Variants in SINHCAF observed in about 807,000 individuals in gnomAD.
The protein encoded by SINHCAF is SIN3-HDAC complex associated factor, also known as SIN3-HDAC complex-associated factor.
Under a neutral mutation model 25.8 loss-of-function variants are expected in SINHCAF, and 3 were observed. The observed-to-expected ratio is 0.12, with a 90% CI of 0.05 to 0.30. The LOEUF is 0.30. Ranked by LOEUF, SINHCAF falls within the 10% of genes least tolerant of loss-of-function variation. The probability of loss-of-function intolerance (pLI) is 1.00; values close to 1 mark genes in which losing one functional copy is unlikely to be tolerated. For missense variants in SINHCAF, 121 were observed against 262.3 expected (o/e 0.46, Z 3.72); for synonymous variants, 70 against 85.5 (o/e 0.82, Z 1.00).
At chr12:31,290,128 A>C (rs937549021) in intron 4 of SINHCAF, among the ~76,000 whole-genome samples, 3 of 150,940 alleles carry the variant, frequency 2.0e-5, no homozygotes, top group Non-Finnish European at 4.4e-5. Flanking sequence ...CTAGCCAAGA[A>C]AATGTTTTTG....
intron 1 of SINHCAF, 86 bp from the exon 2 acceptor site, chr12:31,298,310 C>T (rs762572289): frequency 6.6e-7 from 1 of 1,521,812 alleles, no homozygotes; most frequent in Non-Finnish European, 9.0e-7. Context: ...ACCCCACCCC[C>T]AAGCAACTTG....
At chr12:31,321,607 A>G (rs1939696231) in intron 1 of SINHCAF, among the ~76,000 whole-genome samples, 1 of 152,204 alleles carries the variant, frequency 6.6e-6, no homozygotes, top group Admixed American at 6.5e-5. Flanking sequence ...GATGAAAAAA[A>G]CTGGATCACA....
In SINHCAF at chr12:31,285,872, G is replaced by A. The variant is rs182011208; in HGVS notation, c.506+1762C>T. ...TGCCTGTAGACCCAGCTATTTGGGC[G>A]GCTGAGGTGGGAGAATTGCCTGAGC... On this transcript the variant is annotated intron_variant, in intron 5 of 5. Transcript: ENST00000337682. Among the ~76,000 whole-genome samples the A allele has an allele frequency of 1.9e-4, 29 of 151,988 alleles. 1 individual carries two copies. Among genetic ancestry groups the A allele is most frequent in the African/African-American group, 5.6e-4 (23 of 41,434 alleles).
chr12:31,319,093 T>C (rs949519889), intron 1 of SINHCAF, among the ~76,000 whole-genome samples: 17 of 152,200 alleles, frequency 1.1e-4, no homozygotes, highest in African/African-American at 4.1e-4. Flanking sequence ...AAAAGCCCCA[T>C]ATACTCCTCT....
intron 1 of SINHCAF, among the ~76,000 whole-genome samples, chr12:31,318,105 C>T (rs992855759): frequency 3.3e-5 from 5 of 152,204 alleles, no homozygotes; most frequent in African/African-American, 1.2e-4. Context: ...TTAAGTACAG[C>T]ATCCAGTAAA....
rs149713778 is a variant in SINHCAF, at chr12:31,311,203, A to T, written c.-20-12979T>A. Among the ~76,000 whole-genome samples the T allele has an allele frequency of 9.2e-3, 1,400 of 152,304 alleles. 21 individuals carry two copies. Among genetic ancestry groups the T allele is most frequent in the African/African-American group, 0.032 (1,318 of 41,568 alleles). The stretch of plus-strand genomic sequence containing the variant: ...TTTAACAGAGAAGCTGCTCATACCC[A>T]CGCGTCTTTGAGCCATCTTCTGAAA... On this transcript the variant is annotated intron_variant, in intron 1 of 5. Coordinates refer to ENST00000337682, the MANE Select transcript of SINHCAF (RefSeq NM_001135812.2).
chr12:31,294,886 C>T (rs1303267677), intron 3 of SINHCAF, among the ~76,000 whole-genome samples: 1 of 152,114 alleles, frequency 6.6e-6, no homozygotes, highest in Non-Finnish European at 1.5e-5. Flanking sequence ...TTCATTAGTA[C>T]CAACCTGAGT....
In SINHCAF at chr12:31,310,395, C is replaced by G. The variant is rs890761298; in HGVS notation, c.-20-12171G>C. Among the ~76,000 whole-genome samples, 82 of 152,092 alleles carry G rather than the reference C, an allele frequency of 5.4e-4. 1 individual carries two copies. The highest frequency in any genetic ancestry group is 1.0e-3 in the South Asian group (5 of 4,826). On this transcript the variant is annotated intron_variant, in intron 1 of 5. Transcript: ENST00000337682. ...AGCATATTGGGAGAAATGAAAACCC[C>G]CTATTTCCTCAGAGGAGTCCTAGTT...
chr12:31,311,360 G>A (rs930650675), intron 1 of SINHCAF, among the ~76,000 whole-genome samples: 4 of 152,192 alleles, frequency 2.6e-5, no homozygotes, highest in South Asian at 2.1e-4. Context: ...TAGACAAGCC[G>A]ATAAATGTCA....
Position 31,325,404 on chromosome 12 carries a change from A to T in SINHCAF, c.-21+620T>A. On this transcript the variant is annotated intron_variant, in intron 1 of 5. Transcript: ENST00000337682. The surrounding 1 kb of genome is among the most constrained non-coding windows in gnomAD (Gnocchi z 5.9). ...AACGCCACGCCGCGTGCGCTCCGGC[A>T]GAGCCCAGCACTGACCCCCAAAGGC... 1 of 373,104 alleles carries T rather than the reference A, an allele frequency of 2.7e-6. No homozygotes were observed. Among genetic ancestry groups the T allele is most frequent in the Non-Finnish European group, 5.4e-6 (1 of 186,496 alleles). The allele number at this position is 373,104 out of a possible 1,614,324, so 23.1% of individuals were successfully genotyped here. A position where few individuals can be genotyped will look rare whatever the true frequency, so the allele number is the denominator to read the frequency against.
At position 31,281,712 on chromosome 12, in the gene SINHCAF, T is replaced by TA. The variant is rs1450746780; in HGVS notation, c.*999dup. On this transcript the variant is annotated 3_prime_UTR_variant, in exon 6 of 6. Transcript: ENST00000337682. ...CTACCATGCGGTAATGCTTTGGTAC[T>TA]ATTCATACAGGGTCTTGCCTATCCT... is the stretch of plus-strand genomic sequence containing the variant. The TA allele has an allele frequency of 6.6e-6, 1 of 152,224 alleles. No individual in the cohort carries two copies. Among genetic ancestry groups the TA allele is most frequent in the African/African-American group, 2.4e-5 (1 of 41,464 alleles). The allele number at this position is 152,224 out of a possible 1,614,324, so 9.4% of individuals were successfully genotyped here.
chr12:31,307,753 AAC>A (rs2137113924), intron 1 of SINHCAF, among the ~76,000 whole-genome samples: 1 of 152,332 alleles, frequency 6.6e-6, no homozygotes, highest in East Asian at 1.9e-4. Flanking sequence ...CTATCTCTCC[AAC>A]AGTTTTATAT....
chr12:31,321,734 T>C (rs1290621671), intron 1 of SINHCAF, among the ~76,000 whole-genome samples: 1 of 152,162 alleles, frequency 6.6e-6, no homozygotes, highest in South Asian at 2.1e-4. Context: ...ACCAATTATA[T>C]TCCTACCATC....
rs1322069784 is a variant in SINHCAF at position 31,324,814 on chromosome 12, C to G, written c.-21+1210G>C. The G allele has an allele frequency of 1.3e-5, 5 of 372,110 alleles. No homozygotes were observed. The highest frequency in any genetic ancestry group is 2.7e-5 in the Non-Finnish European group (5 of 184,814). The allele number at this position is 372,110 out of a possible 1,614,324, so 23.1% of individuals were successfully genotyped here. ...CCCGACCCTCCCCTCGGGAGCAGGC[C>G]CATTTAATCAAAGTTTTGCAGTGTC... On this transcript the variant is annotated intron_variant, in intron 1 of 5. Coordinates refer to ENST00000337682, the MANE Select transcript of SINHCAF (RefSeq NM_001135812.2). This position sits in a 1 kb window ranked among gnomAD's most constrained non-coding sequence, Gnocchi z 5.5.
chr12:31,311,192 T>C (rs183379702), intron 1 of SINHCAF, among the ~76,000 whole-genome samples: 3 of 152,276 alleles, frequency 2.0e-5, no homozygotes, highest in African/African-American at 7.2e-5. Context: ...ACAGAGAAGC[T>C]GCTCATACCC....
chr12:31,309,837 G>T (rs1939194854), intron 1 of SINHCAF, among the ~76,000 whole-genome samples: 1 of 151,864 alleles, frequency 6.6e-6, no homozygotes, highest in African/African-American at 2.4e-5. Flanking sequence ...GGCTAATTTT[G>T]TATTTTCTTA....
At chr12:31,305,963 T>C (rs1411236388) in intron 1 of SINHCAF, among the ~76,000 whole-genome samples, 2 of 152,194 alleles carry the variant, frequency 1.3e-5, no homozygotes, top group African/African-American at 2.4e-5. Context: ...GCCTCCCAAG[T>C]GCTGGGATTA....
intron 2 of SINHCAF, among the ~76,000 whole-genome samples, chr12:31,295,885 T>A (rs1041087480): frequency 6.7e-6 from 1 of 148,760 alleles, no homozygotes; most frequent in Non-Finnish European, 1.5e-5. Context: ...AAAAAAAAAA[T>A]TAAATAATTA....
At chr12:31,291,727 T>C (rs774318405) in intron 4 of SINHCAF, among the ~76,000 whole-genome samples, 2 of 151,420 alleles carry the variant, frequency 1.3e-5, no homozygotes, top group African/African-American at 2.4e-5. Context: ...TCCGTGCCAC[T>C]GCACTGCACT....
Sources: allele counts gnomAD v4.1 joint callset (sites outside exome capture counted in the v4.1 genomes callset), GRCh38; gene constraint gnomAD v4.1.1; non-coding constraint Gnocchi (gnomAD v3.1); transcripts MANE v1.5; gene names NCBI Gene and HGNC (gene_info 2026-07-23, HGNC 2026-07-21).